The following CNTNAP5 variants were observed in gnomAD, a reference collection of about 807,000 sequenced individuals.
CNTNAP5 encodes contactin associated protein family member 5.
CNTNAP5 carries 72 observed loss-of-function variants against 150.2 expected under a neutral mutation model. The observed-to-expected ratio is 0.48, with a 90% CI of 0.40 to 0.58. The LOEUF is 0.58. Ranked by LOEUF, CNTNAP5 falls within the 20% of genes least tolerant of loss-of-function variation. CNTNAP5 has a pLI of 0.00. For synonymous variants in CNTNAP5, 672 were observed against 619.8 expected, an observed-to-expected ratio of 1.08 and a Z score of -1.25; for missense variants, 1,636 against 1,626.2, an observed-to-expected ratio of 1.01 and a Z score of -0.10.
At chr2:124,231,979 G>A (rs528720630) in intron 2 of CNTNAP5, among the ~76,000 whole-genome samples, 17 of 152,024 alleles carry the variant, frequency 1.1e-4, no homozygotes, top group Non-Finnish European at 1.9e-4. Context: ...AGAAAGAAGC[G>A]AATTTCATGT....
In CNTNAP5 at chr2:124,300,325, A is replaced by G. The variant is rs577531553; in HGVS notation, c.381+57932A>G. On this transcript the variant is annotated intron_variant, in intron 3 of 23. Transcript: ENST00000682447. The stretch of plus-strand genomic sequence containing the variant: ...AACATTTCCGTAATCACAAAGACAC[A>G]TAATCACAAGGAAGGCAAATAAGTC... 3.3e-5 allele frequency among the ~76,000 whole-genome samples: 5 copies of G among 152,344 alleles called. No individual in the cohort carries two copies. The East Asian group carries it at 7.7e-4, about 24-fold the overall frequency.
At chr2:124,779,677 T>C (rs991123702) in intron 17 of CNTNAP5, among the ~76,000 whole-genome samples, 2 of 152,230 alleles carry the variant, frequency 1.3e-5, no homozygotes, top group African/African-American at 4.8e-5. Context: ...AATAGGTTAT[T>C]AAGACCAAGT....
intron 19 of CNTNAP5, among the ~76,000 whole-genome samples, chr2:124,854,885 G>A (rs1677319521): frequency 6.6e-6 from 1 of 152,142 alleles, no homozygotes; most frequent in African/African-American, 2.4e-5. Context: ...TGGGGACCTG[G>A]GTCACATGGA....
At chr2:124,545,031 T>C (rs1695480637) in intron 10 of CNTNAP5, among the ~76,000 whole-genome samples, 1 of 152,212 alleles carries the variant, frequency 6.6e-6, no homozygotes, top group Non-Finnish European at 1.5e-5. Context: ...AAAAACTTTA[T>C]ATTACTTAAG....
intron 7 of CNTNAP5, among the ~76,000 whole-genome samples, chr2:124,486,306 G>T (rs1299589369): frequency 6.6e-6 from 1 of 152,102 alleles, no homozygotes; most frequent in Non-Finnish European, 1.5e-5. Flanking sequence ...TTGTGGGGAG[G>T]GTGGCTGGAG....
chr2:124,235,091 T>C (rs1005778068), intron 2 of CNTNAP5, among the ~76,000 whole-genome samples: 5 of 152,174 alleles, frequency 3.3e-5, no homozygotes, highest in African/African-American at 1.2e-4. Context: ...TAGTCTCCAC[T>C]GAAGTCAAGG....
intron 3 of CNTNAP5, among the ~76,000 whole-genome samples, chr2:124,372,514 T>C (rs1203035391): frequency 6.6e-6 from 1 of 152,122 alleles, no homozygotes; most frequent in Non-Finnish European, 1.5e-5. Flanking sequence ...ATATAATTGT[T>C]TCCTAATTCA....
At chr2:124,903,147 T>G in intron 22 of CNTNAP5, 47 bp downstream of exon 22, 1 of 1,217,868 alleles carries the variant, frequency 8.2e-7, no homozygotes, top group South Asian at 2.1e-5. Context: ...CTAGCACTAC[T>G]TTTTGTGTCT....
chr2:124,786,450 A>AG (rs2104627786), intron 17 of CNTNAP5, among the ~76,000 whole-genome samples: 1 of 80,760 alleles, frequency 1.2e-5, no homozygotes, highest in South Asian at 4.9e-4. Flanking sequence ...AAGGAAGGAA[A>AG]GAAAGAAAGA....
chr2:124,483,560 G>T (rs550840049), intron 7 of CNTNAP5, among the ~76,000 whole-genome samples: 1 of 152,262 alleles, frequency 6.6e-6, no homozygotes, highest in East Asian at 1.9e-4. Context: ...GGGCAGTGGG[G>T]AGTGTTGAAT....
intron 13 of CNTNAP5, among the ~76,000 whole-genome samples, chr2:124,703,056 T>A (rs1243626743): frequency 6.6e-6 from 1 of 151,822 alleles, no homozygotes; most frequent in African/African-American, 2.4e-5. Context: ...GAAACAAAGA[T>A]TTTAAACCTC....
intron 1 of CNTNAP5, among the ~76,000 whole-genome samples, chr2:124,086,291 G>A (rs1208722343): frequency 6.9e-6 from 1 of 145,836 alleles, no homozygotes; most frequent in East Asian, 2.1e-4. Flanking sequence ...CCGCCTCCCG[G>A]CTCCCGGGTT....
intron 8 of CNTNAP5, among the ~76,000 whole-genome samples, chr2:124,505,206 G>A (rs1694375307): frequency 6.6e-6 from 1 of 152,078 alleles, no homozygotes; most frequent in South Asian, 2.1e-4. Context: ...AACATGGCAT[G>A]TTTCATATGG....
chr2:124,574,390 T>C (rs1478580780), intron 11 of CNTNAP5, among the ~76,000 whole-genome samples: 1 of 152,264 alleles, frequency 6.6e-6, no homozygotes, highest in Non-Finnish European at 1.5e-5. Context: ...TGATATAATC[T>C]CACTCAATAG....
At chr2:124,349,540 A>G (rs1291107974) in intron 3 of CNTNAP5, among the ~76,000 whole-genome samples, 2 of 152,124 alleles carry the variant, frequency 1.3e-5, no homozygotes, top group East Asian at 1.9e-4. Flanking sequence ...TTTCTTTTAC[A>G]TTGCTTGAGT....
chr2:124,696,351 A>G (rs1679407139), intron 13 of CNTNAP5, among the ~76,000 whole-genome samples: 3 of 152,198 alleles, frequency 2.0e-5, no homozygotes. Context: ...CTTCAAGTGC[A>G]AATTAAATAA....
At chr2:124,457,797 C>A (rs557469669) in intron 6 of CNTNAP5, among the ~76,000 whole-genome samples, 1 of 151,964 alleles carries the variant, frequency 6.6e-6, no homozygotes, top group East Asian at 1.9e-4. Context: ...AAATGGCCAA[C>A]AAACATATGA....
intron 12 of CNTNAP5, among the ~76,000 whole-genome samples, chr2:124,629,936 CAA>C (rs70996084): frequency 0.027 from 1,848 of 67,740 alleles, 46 homozygotes; most frequent in African/African-American, 0.077. Flanking sequence ...CACCTCTATG[CAA>C]AAAAAAAAAA....
intron 6 of CNTNAP5, among the ~76,000 whole-genome samples, chr2:124,462,614 T>C (rs1291089651): frequency 1.3e-5 from 2 of 152,178 alleles, no homozygotes; most frequent in Non-Finnish European, 2.9e-5. Flanking sequence ...CTACTTCTAG[T>C]GGAAGTGGCC....
Sources: gnomAD v4.1 joint callset for allele counts (sites outside exome capture counted in the v4.1 genomes callset) on GRCh38, gnomAD v4.1.1 for gene constraint, MANE v1.5 for transcripts, NCBI Gene and HGNC (gene_info 2026-07-23, HGNC 2026-07-21) for gene names.